PCDHGA4: variants seen among roughly 807,000 people sequenced by gnomAD.
PCDHGA4 encodes the protein protocadherin gamma subfamily A, 4.
In PCDHGA4, 38 loss-of-function variants were observed where a neutral mutation model predicts 54.6. The ratio of observed to expected loss-of-function variants is 0.70; its 90% CI spans 0.54 to 0.91. The LOEUF is 0.91. Among genes scored for constraint, PCDHGA4 ranks in the 40% least tolerant of loss-of-function variants. The probability of loss-of-function intolerance (pLI) is 0.00; values close to 1 mark genes in which losing one functional copy is unlikely to be tolerated. For synonymous variants in PCDHGA4, 511 were observed against 512.9 expected (o/e 1.00, Z 0.05); for missense variants, 1,298 against 1,220.9 (o/e 1.06, Z -0.94).
chr5:141,356,168 A>G lies in PCDHGA4; in HGVS notation c.1061A>G (p.Asp354Gly). ...GFYDIDVEAHDGPGLRARSKV... is the reference protein window; with the variant it reads ...GFYDIDVEAHGGPGLRARSKV... ...TATGACATAGATGTAGAAGCCCATG[A>G]TGGGCCTGGTCTCCGAGCTAGAAGC... is the stretch of plus-strand genomic sequence containing the variant. The change falls in exon 1 of 4, where the codon GAT becomes GGT. Residue 354 changes from aspartate to glycine, a missense_variant. Asp to Gly is a moderately conservative substitution (Grantham distance 94). Transcript: ENST00000571252. The G allele has an allele frequency of 6.2e-7, 1 of 1,613,078 alleles. No individual in the cohort carries two copies. Among genetic ancestry groups the G allele is most frequent in the Non-Finnish European group, 8.5e-7 (1 of 1,179,446 alleles).
At chr5:141,453,321 T>TG (rs2098762672) in intron 1 of PCDHGA4, among the ~76,000 whole-genome samples, 2 of 151,876 alleles carry the variant, frequency 1.3e-5, no homozygotes, top group Admixed American at 6.6e-5. Context: ...ATTTTAGAGA[T>TG]GGGGTCTCAC....
At chr5:141,488,438 C>T (rs2099675393) in intron 1 of PCDHGA4, among the ~76,000 whole-genome samples, 1 of 152,146 alleles carries the variant, frequency 6.6e-6, no homozygotes, top group African/African-American at 2.4e-5. Flanking sequence ...CTCTGACCAC[C>T]CTCCTGGGTG....
intron 1 of PCDHGA4, chr5:141,422,941 G>C (rs777535652): frequency 1.2e-6 from 2 of 1,614,218 alleles, no homozygotes; most frequent in Non-Finnish European, 1.7e-6. Context: ...CCCCACAGAC[G>C]GCTCCACTGG....
At chr5:141,408,667 C>G in intron 1 of PCDHGA4, 1 of 1,613,954 alleles carries the variant, frequency 6.2e-7, no homozygotes, top group Non-Finnish European at 8.5e-7. Context: ...TATCGCTTGA[C>G]CCTGCCACGG....
At chr5:141,393,357 G>C in intron 1 of PCDHGA4, 5 of 1,613,924 alleles carry the variant, frequency 3.1e-6, no homozygotes, top group Admixed American at 1.7e-5. Flanking sequence ...CTCCCTGGAC[G>C]TGCAGACTGG....
intron 1 of PCDHGA4, among the ~76,000 whole-genome samples, chr5:141,448,434 G>A (rs2098588755): frequency 1.3e-5 from 2 of 152,052 alleles, no homozygotes; most frequent in Non-Finnish European, 2.9e-5. Context: ...TATATATTGA[G>A]AAGTCTGACT....
At position 141,384,871 on chromosome 5, in the gene PCDHGA4, G is replaced by A. The variant is rs769607351; in HGVS notation, c.2514+27250G>A. On this transcript the variant is annotated intron_variant, in intron 1 of 3. Coordinates refer to ENST00000571252, the MANE Select transcript of PCDHGA4 (RefSeq NM_018917.4). ...CGGTCAGCCTCCTCTGTCAGCCACC[G>A]TCACACTCACCGTGGCTGTGGCTGA... is the stretch of plus-strand genomic sequence containing the variant. 9 of 1,613,648 alleles carry A rather than the reference G, an allele frequency of 5.6e-6. No individual in the cohort carries two copies. Among genetic ancestry groups the A allele is most frequent in the South Asian group, 1.1e-5 (1 of 91,092 alleles).
chr5:141,396,708 T>C (rs1402538886), intron 1 of PCDHGA4: 1 of 152,190 alleles, frequency 6.6e-6, no homozygotes, highest in Admixed American at 6.5e-5. Flanking sequence ...AGCATTTGAA[T>C]AAAGCTAATA....
intron 1 of PCDHGA4, among the ~76,000 whole-genome samples, chr5:141,437,723 G>A (rs2097904411): frequency 6.6e-6 from 1 of 150,736 alleles, no homozygotes; most frequent in South Asian, 2.1e-4. Context: ...ACCCTCTAAT[G>A]TTACACTTTG....
intron 1 of PCDHGA4, among the ~76,000 whole-genome samples, chr5:141,472,346 C>G (rs1393301393): frequency 6.6e-6 from 1 of 151,722 alleles, no homozygotes; most frequent in Non-Finnish European, 1.5e-5. Flanking sequence ...TCGAGACCAT[C>G]CTGGCTAACA....
chr5:141,420,744 C>T (rs1202150921), intron 1 of PCDHGA4, among the ~76,000 whole-genome samples: 8 of 152,194 alleles, frequency 5.3e-5, no homozygotes, highest in Admixed American at 5.2e-4. Context: ...TCAATTGGAA[C>T]CAACTACAAC....
At chr5:141,455,860 A>ATTATTTAT (rs145569377) in intron 1 of PCDHGA4, among the ~76,000 whole-genome samples, 155 of 139,844 alleles carry the variant, frequency 1.1e-3, no homozygotes, top group Non-Finnish European at 1.5e-3. Flanking sequence ...AATTTCTTTT[A>ATTATTTAT]TTATTTATTT....
rs371079504 is a variant in PCDHGA4, at chr5:141,422,041, G to C, written c.2514+64420G>C. 9 of 1,611,514 alleles carry C rather than the reference G, an allele frequency of 5.6e-6. No homozygotes were observed. The highest frequency in any genetic ancestry group is 5.9e-6 in the Non-Finnish European group (7 of 1,179,230). On this transcript the variant is annotated intron_variant, in intron 1 of 3. Transcript: ENST00000571252. ...GATGGTTAATGCAACGGATCCAGAC[G>C]AGGGAATCAACGGGGAAGTAATGTA...
At chr5:141,399,107 G>A in intron 1 of PCDHGA4, 1 of 1,613,794 alleles carries the variant, frequency 6.2e-7, no homozygotes, top group Non-Finnish European at 8.5e-7. Flanking sequence ...GTTGCACAAT[G>A]TACAGTTGAA....
At chr5:141,496,581 C>T (rs868326584) in intron 2 of PCDHGA4, among the ~76,000 whole-genome samples, 9 of 152,134 alleles carry the variant, frequency 5.9e-5, no homozygotes, top group African/African-American at 1.9e-4. Flanking sequence ...ATTTTAGGAA[C>T]GCAAAGCGCT....
At chr5:141,469,929 G>C (rs1208858245) in intron 1 of PCDHGA4, among the ~76,000 whole-genome samples, 1 of 152,168 alleles carries the variant, frequency 6.6e-6, no homozygotes, top group Non-Finnish European at 1.5e-5. Context: ...TCAGGAGTTT[G>C]AGACCAGCCT....
intron 1 of PCDHGA4, among the ~76,000 whole-genome samples, chr5:141,358,907 T>C (rs1050690126): frequency 3.3e-5 from 5 of 152,202 alleles, no homozygotes; most frequent in African/African-American, 1.2e-4. Context: ...TGAGGGAAAA[T>C]ATTTTGTGTG....
At position 141,485,135 on chromosome 5, in the gene PCDHGA4, G is replaced by A; in HGVS notation, c.2515-9672G>A. 6.7e-7 allele frequency: 1 copy of A among 1,500,498 alleles called. No individual in the cohort carries two copies. Among genetic ancestry groups the A allele is most frequent in the East Asian group, 2.3e-5 (1 of 44,254 alleles). 92.9% of individuals were successfully genotyped at this position (1,500,498 alleles called of 1,614,324 possible). A position where few individuals can be genotyped will look rare whatever the true frequency, so the allele number is the denominator to read the frequency against. On this transcript the variant is annotated intron_variant, in intron 1 of 3. Coordinates refer to ENST00000571252, the MANE Select transcript of PCDHGA4 (RefSeq NM_018917.4). The surrounding 1 kb of genome is among the most constrained non-coding windows in gnomAD (Gnocchi z 5.7). ...TGTTTGGGGCGGGTCGGCTTCATCCGCGTCTCAGGAGCAAGTAGAGAATTA... is the reference window on the plus strand; with the variant it reads ...TGTTTGGGGCGGGTCGGCTTCATCCACGTCTCAGGAGCAAGTAGAGAATTA...
Position 141,357,392 on chromosome 5 carries a change from G to C in PCDHGA4, c.2285G>C (p.Arg762Thr). Residue 762 changes from arginine (R) to threonine (T), a missense_variant, in exon 1 of 4, where the codon AGG becomes ACG. Transcript: ENST00000571252. ...KSRLLHAEGS[R>T]LAGVPASHFV... ...CGCCTGCTTCACGCTGAAGGCAGCA[G>C]GTTGGCAGGTGTGCCTGCCTCGCAC... 1 of 1,614,246 alleles carries C rather than the reference G, an allele frequency of 6.2e-7. No individual in the cohort carries two copies. Among genetic ancestry groups the C allele is most frequent in the Non-Finnish European group, 8.5e-7 (1 of 1,180,032 alleles).
Sources: gnomAD v4.1 joint callset for allele counts (sites outside exome capture counted in the v4.1 genomes callset) on GRCh38, gnomAD v4.1.1 for gene constraint, Gnocchi (gnomAD v3.1) non-coding constraint, MANE v1.5 for transcripts, NCBI Gene and HGNC (gene_info 2026-07-23, HGNC 2026-07-21) for gene names.